Variants in NFYC observed in about 807,000 individuals in gnomAD.
NFYC encodes the protein CAAT box DNA-binding protein subunit C.
NFYC carries 25 observed loss-of-function variants against 53.1 expected under a neutral mutation model. The ratio of observed to expected loss-of-function variants is 0.47; its 90% CI spans 0.34 to 0.66. NFYC has a LOEUF of 0.66. NFYC is among the 30% of genes least tolerant of loss of function. The pLI is 0.01. For missense variants in NFYC, 260 were observed against 422.7 expected (o/e 0.62, Z 3.38); for synonymous variants, 145 against 152.6 (o/e 0.95, Z 0.37).
intron 6 of NFYC, among the ~76,000 whole-genome samples, chr1:40,761,018 T>G (rs754783007): frequency 1.3e-5 from 2 of 152,204 alleles, no homozygotes; most frequent in Non-Finnish European, 2.9e-5. Flanking sequence ...GATTGGCTGA[T>G]CATCCTAAGA....
In NFYC at chr1:40,738,155, G is replaced by A. The variant is rs1214471332; in HGVS notation, c.-8-681G>A. Among the ~76,000 whole-genome samples the A allele has an allele frequency of 6.6e-5, 10 of 152,174 alleles. No individual in the cohort carries two copies. The South Asian group carries it at 1.9e-3, about 28-fold the overall frequency. On this transcript the variant is annotated intron_variant, in intron 1 of 9. Coordinates refer to ENST00000447388, the MANE Select transcript of NFYC (RefSeq NM_014223.5). Reference sequence around the variant, plus strand: ...CTGACCTTGTGATCCGCCCGCCTCGGCCTCCCAAAGTGCTGGGATTACAGG... The same window carrying A: ...CTGACCTTGTGATCCGCCCGCCTCGACCTCCCAAAGTGCTGGGATTACAGG...
chr1:40,720,826 G>A (rs578071842), intron 1 of NFYC, among the ~76,000 whole-genome samples: 3 of 152,258 alleles, frequency 2.0e-5, no homozygotes, highest in African/African-American at 7.2e-5. Flanking sequence ...CCATGATTAC[G>A]CCACTGCACT....
intron 1 of NFYC, chr1:40,730,610 A>G: frequency 4.1e-6 from 4 of 985,232 alleles, no homozygotes; most frequent in Non-Finnish European, 4.8e-6. Context: ...GAAGAAGGTA[A>G]GTGCCTTGAT....
At chr1:40,729,416 C>G (rs545943801) in intron 1 of NFYC, among the ~76,000 whole-genome samples, 2 of 152,158 alleles carry the variant, frequency 1.3e-5, no homozygotes, top group Non-Finnish European at 2.9e-5. Context: ...TTCTGCAGCC[C>G]CCTCACCTCT....
Position 40,759,233 on chromosome 1 carries a change from T to TAAA in NFYC, c.561+953_561+955dup, listed in dbSNP as rs11429236. Among the ~76,000 whole-genome samples the TAAA allele has an allele frequency of 7.2e-5, 10 of 138,922 alleles. 1 individual carries two copies. The South Asian group carries it at 1.2e-3, about 16-fold the overall frequency. 91.1% of individuals were successfully genotyped at this position (138,922 alleles called of 152,430 possible). ...AGCACAGCAAGACCTCTTCTTTAAT[T>TAAA]AAAAAAAAAAAAAAAAGGCAGGGGC... is the stretch of plus-strand genomic sequence containing the variant. On this transcript the variant is annotated intron_variant, in intron 6 of 9. Coordinates refer to ENST00000447388, the MANE Select transcript of NFYC (RefSeq NM_014223.5).
At chr1:40,732,747 T>C (rs1161451809) in intron 1 of NFYC, among the ~76,000 whole-genome samples, 1 of 152,226 alleles carries the variant, frequency 6.6e-6, no homozygotes. Context: ...TTGAGAATGG[T>C]ATGCATCCAC....
chr1:40,714,512 G>A (rs932595074), intron 1 of NFYC, among the ~76,000 whole-genome samples: 1 of 152,198 alleles, frequency 6.6e-6, no homozygotes, highest in Admixed American at 6.5e-5. Flanking sequence ...CTTGAACGAT[G>A]TAAGTTATGT....
At chr1:40,697,872 C>T (rs1481863687) in intron 1 of NFYC, among the ~76,000 whole-genome samples, 1 of 152,234 alleles carries the variant, frequency 6.6e-6, no homozygotes, top group African/African-American at 2.4e-5. Context: ...AGCAGTGAGA[C>T]AGCACCTGTA....
Position 40,741,149 on chromosome 1 carries a change from G to A in NFYC, c.105+2201G>A, listed in dbSNP as rs58360639. ...TACCTCATAGAAGTGGGATCATATC[G>A]TACAGTCCCCTACTTACAATGATTC... is the stretch of plus-strand genomic sequence containing the variant. On this transcript the variant is annotated intron_variant, in intron 2 of 9. Coordinates refer to ENST00000447388, the MANE Select transcript of NFYC (RefSeq NM_014223.5). Among the ~76,000 whole-genome samples, 548 of 152,098 alleles carry A rather than the reference G, an allele frequency of 3.6e-3. 4 individuals are homozygous for A. Among genetic ancestry groups the A allele is most frequent in the African/African-American group, 0.013 (519 of 41,494 alleles).
intron 1 of NFYC, among the ~76,000 whole-genome samples, chr1:40,722,798 T>C (rs1360426024): frequency 6.6e-6 from 1 of 152,250 alleles, no homozygotes; most frequent in Non-Finnish European, 1.5e-5. Context: ...TATTTATTTA[T>C]GTATTTACCT....
At chr1:40,722,439 C>T (rs755157338) in intron 1 of NFYC, among the ~76,000 whole-genome samples, 1 of 152,260 alleles carries the variant, frequency 6.6e-6, no homozygotes, top group Non-Finnish European at 1.5e-5. Context: ...TATTTCCATG[C>T]ATCTGAAACT....
At chr1:40,714,879 G>A (rs1240270618) in intron 1 of NFYC, among the ~76,000 whole-genome samples, 1 of 152,016 alleles carries the variant, frequency 6.6e-6, no homozygotes, top group Admixed American at 6.6e-5. Context: ...AGGAGATCAA[G>A]ACCATCCTGG....
At chr1:40,743,319 C>G (rs1557851320) in intron 2 of NFYC, among the ~76,000 whole-genome samples, 1 of 152,208 alleles carries the variant, frequency 6.6e-6, no homozygotes, top group Non-Finnish European at 1.5e-5. Context: ...GATGATTGTG[C>G]ACCAGAGTGA....
At chr1:40,699,146 G>A (rs1032135655) in intron 1 of NFYC, among the ~76,000 whole-genome samples, 1 of 151,804 alleles carries the variant, frequency 6.6e-6, no homozygotes, top group African/African-American at 2.4e-5. Flanking sequence ...CAGCCTTGAC[G>A]ACAGGGTGAG....
chr1:40,763,407 C>T, intron 7 of NFYC: 1 of 454,708 alleles, frequency 2.2e-6, no homozygotes. Flanking sequence ...AGTGCAGTGG[C>T]TTGATCTCAG....
At chr1:40,734,551 A>C (rs1327986961) in intron 1 of NFYC, among the ~76,000 whole-genome samples, 1 of 151,584 alleles carries the variant, frequency 6.6e-6, no homozygotes, top group Non-Finnish European at 1.5e-5. Flanking sequence ...AGTAGAGATG[A>C]GGTTTCACCA....
intron 1 of NFYC, among the ~76,000 whole-genome samples, chr1:40,730,863 G>A (rs1215141501): frequency 6.6e-6 from 1 of 152,068 alleles, no homozygotes; most frequent in Non-Finnish European, 1.5e-5. Context: ...TAGTACAGAG[G>A]GTCTTCAGAC....
intron 2 of NFYC, among the ~76,000 whole-genome samples, chr1:40,747,198 GAA>G (rs10715572): frequency 0.051 from 7,513 of 146,400 alleles, 265 homozygotes; most frequent in Non-Finnish European, 0.077. Context: ...AACTTACTTG[GAA>G]AAAAAAAGAA....
chr1:40,718,437 G>T (rs1644216613), intron 1 of NFYC, among the ~76,000 whole-genome samples: 1 of 152,070 alleles, frequency 6.6e-6, no homozygotes. Flanking sequence ...TTCCATACTT[G>T]CTTCTCCCCT....
Sources: allele counts gnomAD v4.1 joint callset (sites outside exome capture counted in the v4.1 genomes callset), GRCh38; gene constraint gnomAD v4.1.1; transcripts MANE v1.5; gene names NCBI Gene and HGNC (gene_info 2026-07-23, HGNC 2026-07-21).